Variants in UNC13B observed in about 807,000 individuals in gnomAD.
UNC13B encodes protein unc-13 homolog B.
A neutral mutation model predicts 211.0 loss-of-function variants in UNC13B; 144 were observed. That is an observed-to-expected ratio of 0.68 (90% CI 0.60 to 0.78). The LOEUF (loss-of-function observed/expected upper bound fraction) is 0.78, where lower values mean the gene tolerates loss of function less well. UNC13B is among the 30% of genes least tolerant of loss of function. The pLI is 0.00. For synonymous variants in UNC13B, 709 were observed against 725.8 expected (o/e 0.98, Z 0.37); for missense variants, 1,777 against 2,002.0 (o/e 0.89, Z 2.14).
In UNC13B at chr9:35,302,459, TTTGAC is replaced by T. The variant is rs1465803693; in HGVS notation, c.3056_3060del (p.Phe1019Ter). On this transcript the variant is annotated frameshift_variant, in exon 9 of 40. Transcript: ENST00000635942. LOFTEE classifies it high-confidence loss of function. ...AAATACTCAGGATAATCTAGGGAAA[TTTGAC>T]AGTACAGAGGAATTTAATCAGAATG... 5 of 398,472 alleles carry T rather than the reference TTTGAC, an allele frequency of 1.3e-5. No homozygotes were observed. Among genetic ancestry groups the T allele is most frequent in the Non-Finnish European group, 2.2e-5 (5 of 225,792 alleles). 24.7% of individuals were successfully genotyped at this position (398,472 alleles called of 1,614,324 possible).
chr9:35,272,567 T>G (rs1328341978), intron 7 of UNC13B, among the ~76,000 whole-genome samples: 1 of 152,180 alleles, frequency 6.6e-6, no homozygotes, highest in African/African-American at 2.4e-5. Flanking sequence ...CTGTTTTATT[T>G]TTTCTTTATA....
At chr9:35,340,180 C>T (rs983870969) in intron 11 of UNC13B, among the ~76,000 whole-genome samples, 9 of 152,144 alleles carry the variant, frequency 5.9e-5, no homozygotes, top group South Asian at 2.1e-4. Flanking sequence ...TGTTTAGATG[C>T]GGTTATAGTT....
intron 6 of UNC13B, among the ~76,000 whole-genome samples, chr9:35,251,093 G>T (rs914243292): frequency 3.3e-5 from 5 of 150,824 alleles, no homozygotes; most frequent in African/African-American, 4.9e-5. Context: ...CTCCGGAGTA[G>T]CTGGGACTAC....
intron 1 of UNC13B, among the ~76,000 whole-genome samples, chr9:35,171,817 T>A (rs1368828059): frequency 6.6e-6 from 1 of 152,214 alleles, no homozygotes; most frequent in Non-Finnish European, 1.5e-5. Context: ...GCATATACTG[T>A]TGTTTATTTA....
At chr9:35,182,471 T>A (rs985186000) in intron 1 of UNC13B, among the ~76,000 whole-genome samples, 3 of 151,750 alleles carry the variant, frequency 2.0e-5, no homozygotes, top group African/African-American at 7.2e-5. Flanking sequence ...TTTATTTTTA[T>A]TTTTATTTTT....
chr9:35,404,157 T>A lies in UNC13B; in HGVS notation c.*124T>A. The A allele has an allele frequency of 3.0e-6, 4 of 1,346,822 alleles. No homozygotes were observed. The highest frequency in any genetic ancestry group is 3.9e-6 in the Non-Finnish European group (4 of 1,015,306). The allele number at this position is 1,346,822 out of a possible 1,614,324, so 83.4% of individuals were successfully genotyped here. Reference sequence around the variant, plus strand: ...AGGCTGACCCCTTCAGTTAAAGATATTTAAGGAAAAATTTGGGGTGGTGAT... The same window carrying A: ...AGGCTGACCCCTTCAGTTAAAGATAATTAAGGAAAAATTTGGGGTGGTGAT... On this transcript the variant is annotated 3_prime_UTR_variant, in exon 40 of 40. Coordinates refer to ENST00000635942, the MANE Select transcript of UNC13B (RefSeq NM_001371189.2).
intron 6 of UNC13B, among the ~76,000 whole-genome samples, chr9:35,245,390 G>A (rs565304608): frequency 6.7e-5 from 10 of 149,602 alleles, no homozygotes; most frequent in African/African-American, 2.5e-4. Flanking sequence ...GGGTACATGT[G>A]CACAATGTGC....
At chr9:35,187,122 A>G (rs1822403874) in intron 1 of UNC13B, among the ~76,000 whole-genome samples, 2 of 152,216 alleles carry the variant, frequency 1.3e-5, no homozygotes, top group South Asian at 4.1e-4. Flanking sequence ...CAAATAGTAA[A>G]GTGAGTATAG....
At chr9:35,236,648 G>C in intron 4 of UNC13B, 62 bp downstream of exon 4, 1 of 1,431,516 alleles carries the variant, frequency 7.0e-7, no homozygotes, top group Non-Finnish European at 9.8e-7. Flanking sequence ...CCCCATGCTA[G>C]CTCCACTTTA....
At chr9:35,332,150 T>A (rs1831409051) in intron 11 of UNC13B, among the ~76,000 whole-genome samples, 1 of 152,038 alleles carries the variant, frequency 6.6e-6, no homozygotes, top group Non-Finnish European at 1.5e-5. Context: ...TCTGGCTAAT[T>A]TGTTTTGTAT....
At chr9:35,365,780 G>C (rs758948199) in intron 11 of UNC13B, among the ~76,000 whole-genome samples, 3 of 152,158 alleles carry the variant, frequency 2.0e-5, no homozygotes, top group Non-Finnish European at 2.9e-5. Context: ...CTATAGAAAG[G>C]ATAGGAGGCA....
chr9:35,311,539 T>A lies in UNC13B; in HGVS notation c.9323+758T>A, dbSNP rs550338908. Among the ~76,000 whole-genome samples the A allele has an allele frequency of 1.8e-3, 273 of 152,318 alleles. 1 individual carries two copies. The highest frequency in any genetic ancestry group is 6.3e-3 in the African/African-American group (261 of 41,566). On this transcript the variant is annotated intron_variant, in intron 10 of 39. Coordinates refer to ENST00000635942, the MANE Select transcript of UNC13B (RefSeq NM_001371189.2). Reference sequence around the variant, plus strand: ...GCATGTACTTATGTACAGGTATATGTGTATGTGTGTTGAAGTACTCAGAAC... The same window carrying A: ...GCATGTACTTATGTACAGGTATATGAGTATGTGTGTTGAAGTACTCAGAAC...
At chr9:35,367,596 A>T (rs1833854613) in intron 12 of UNC13B, among the ~76,000 whole-genome samples, 1 of 152,002 alleles carries the variant, frequency 6.6e-6, no homozygotes. Context: ...ACTAGATCTT[A>T]TTCATTCTAT....
intron 8 of UNC13B, among the ~76,000 whole-genome samples, chr9:35,297,545 G>GTTTTTTTTTTTTTTTTTT (rs1344936605): frequency 9.3e-6 from 1 of 107,140 alleles, no homozygotes; most frequent in African/African-American, 4.0e-5. Context: ...CACATACTTT[G>GTTTTTTTTTTTTTTTTTT]TCTTTTTTTT....
intron 11 of UNC13B, among the ~76,000 whole-genome samples, chr9:35,362,966 G>A (rs148445929): frequency 5.3e-5 from 8 of 152,184 alleles, no homozygotes; most frequent in African/African-American, 1.7e-4. Context: ...ATCAGAGAAG[G>A]CTTCCCAGAA....
At chr9:35,290,786 A>G (rs934466069) in intron 7 of UNC13B, among the ~76,000 whole-genome samples, 9 of 152,074 alleles carry the variant, frequency 5.9e-5, no homozygotes, top group African/African-American at 2.2e-4. Flanking sequence ...GCTTAAAACA[A>G]TATGGAAGAA....
intron 22 of UNC13B, chr9:35,385,103 G>A: frequency 1.0e-6 from 1 of 985,432 alleles, no homozygotes; most frequent in Non-Finnish European, 1.2e-6. Flanking sequence ...CCATTAATGT[G>A]AAGACAGGCT....
chr9:35,237,895 A>T, intron 5 of UNC13B, 69 bp downstream of exon 5: 1 of 1,483,616 alleles, frequency 6.7e-7, no homozygotes, highest in Non-Finnish European at 9.1e-7. Context: ...TAGTTGTTTC[A>T]TTAATGTATA....
intron 1 of UNC13B, among the ~76,000 whole-genome samples, chr9:35,165,141 C>T (rs1039049921): frequency 2.0e-5 from 3 of 152,148 alleles, no homozygotes; most frequent in African/African-American, 4.8e-5. Flanking sequence ...AAGAGGATCA[C>T]GATAGTACAT....
Sources: gnomAD v4.1 joint callset for allele counts (sites outside exome capture counted in the v4.1 genomes callset) on GRCh38, gnomAD v4.1.1 for gene constraint, MANE v1.5 for transcripts, NCBI Gene and HGNC (gene_info 2026-07-23, HGNC 2026-07-21) for gene names.